The following ZFAT variants were observed in gnomAD, a reference collection of about 807,000 sequenced individuals.
The protein encoded by ZFAT is zinc finger protein ZFAT.
A neutral mutation model predicts 117.7 loss-of-function variants in ZFAT; 64 were observed. The ratio of observed to expected loss-of-function variants is 0.54; its 90% CI spans 0.44 to 0.67. The LOEUF (loss-of-function observed/expected upper bound fraction) is 0.67. Among genes scored for constraint, ZFAT ranks in the 30% least tolerant of loss-of-function variants. The pLI, the probability that ZFAT is intolerant of heterozygous loss-of-function variation, is 0.00. For missense variants in ZFAT, 1,433 were observed against 1,584.5 expected (o/e 0.90, Z 1.62); for synonymous variants, 679 against 615.0 (o/e 1.10, Z -1.54).
At chr8:134,672,897 G>A (rs1832626877) in intron 1 of ZFAT, among the ~76,000 whole-genome samples, 2 of 152,028 alleles carry the variant, frequency 1.3e-5, no homozygotes, top group Non-Finnish European at 1.5e-5. Context: ...CCCTAAACAG[G>A]AAGAAAATAT....
the ZFAT span, among the ~76,000 whole-genome samples, chr8:134,829,364 C>T: frequency 6.6e-5 from 10 of 152,186 alleles, no homozygotes; most frequent in Admixed American, 2.0e-4. Context: ...GATTGGACAC[C>T]GCTGCCTTAA....
At chr8:134,817,394 TACACACACACACACAC>T in the ZFAT span, among the ~76,000 whole-genome samples, 1 of 126,070 alleles carries the variant, frequency 7.9e-6, no homozygotes, top group South Asian at 2.5e-4. Context: ...TCTCTCTCTC[TACACACACACACACAC>T]ACACACACAC....
chr8:134,573,842 T>C (rs1427830281), intron 10 of ZFAT, among the ~76,000 whole-genome samples: 1 of 152,236 alleles, frequency 6.6e-6, no homozygotes, highest in East Asian at 1.9e-4. Flanking sequence ...TTTGCAGCGC[T>C]GCCTGGGCCT....
intron 1 of ZFAT, among the ~76,000 whole-genome samples, chr8:134,704,836 A>G (rs1010461161): frequency 6.6e-6 from 1 of 152,144 alleles, no homozygotes; most frequent in Non-Finnish European, 1.5e-5. Flanking sequence ...ACTTCATACC[A>G]TACACAAACT....
At chr8:134,611,330 G>A (rs979956251) in intron 3 of ZFAT, among the ~76,000 whole-genome samples, 5 of 152,262 alleles carry the variant, frequency 3.3e-5, no homozygotes, top group African/African-American at 1.2e-4. Flanking sequence ...GGCAAAGGAG[G>A]AGTGGGTGTG....
At chr8:134,658,886 T>C (rs755770591) in intron 1 of ZFAT, among the ~76,000 whole-genome samples, 1 of 152,156 alleles carries the variant, frequency 6.6e-6, no homozygotes, top group Non-Finnish European at 1.5e-5. Context: ...CTGGAATCCA[T>C]AGGAACTTTG....
intron 9 of ZFAT, among the ~76,000 whole-genome samples, chr8:134,587,320 G>A (rs1826137014): frequency 6.6e-6 from 1 of 152,022 alleles, no homozygotes; most frequent in African/African-American, 2.4e-5. Context: ...TTCCAACCTT[G>A]GAATTTATCT....
chr8:134,636,568 C>T (rs978527278), intron 3 of ZFAT, among the ~76,000 whole-genome samples: 1 of 152,148 alleles, frequency 6.6e-6, no homozygotes, highest in Non-Finnish European at 1.5e-5. Context: ...CCCAGACAGC[C>T]GTAACCCAGA....
At chr8:134,542,351 C>T (rs1209505203) in intron 11 of ZFAT, among the ~76,000 whole-genome samples, 1 of 152,210 alleles carries the variant, frequency 6.6e-6, no homozygotes, top group East Asian at 1.9e-4. Context: ...AGATTTGTTA[C>T]ATGGGTAAAT....
intron 1 of ZFAT, among the ~76,000 whole-genome samples, chr8:134,680,735 C>G (rs1405482533): frequency 2.0e-5 from 3 of 152,144 alleles, no homozygotes; most frequent in African/African-American, 7.2e-5. Context: ...AAAAAAAGTT[C>G]TAGAGATCAA....
At chr8:134,643,380 A>T (rs1032767523) in intron 2 of ZFAT, among the ~76,000 whole-genome samples, 4 of 152,350 alleles carry the variant, frequency 2.6e-5, no homozygotes, top group African/African-American at 9.6e-5. Flanking sequence ...CAGGAAAATG[A>T]CGATAGTCTC....
intron 15 of ZFAT, among the ~76,000 whole-genome samples, chr8:134,490,110 C>A (rs1348783202): frequency 2.0e-5 from 3 of 152,190 alleles, no homozygotes; most frequent in Non-Finnish European, 4.4e-5. Flanking sequence ...CCACAAGAGC[C>A]CTTAAGCGAC....
chr8:134,478,445 C>T lies in ZFAT; in HGVS notation c.*37G>A. 2 of 1,537,672 alleles carry T rather than the reference C, an allele frequency of 1.3e-6. No homozygotes were observed. The highest frequency in any genetic ancestry group is 1.2e-5 in the South Asian group (1 of 83,380). ...CACCCTGGGTGCCTGCAGAGCCTGG[C>T]AGCCCCGCCCTGTGGCCATCCGATG... On this transcript the variant is annotated 3_prime_UTR_variant, in exon 16 of 16. Coordinates refer to ENST00000377838, the MANE Select transcript of ZFAT (RefSeq NM_020863.4). The surrounding 1 kb of genome is among the most constrained non-coding windows in gnomAD (Gnocchi z 5.2).
intron 12 of ZFAT, among the ~76,000 whole-genome samples, chr8:134,523,235 G>A (rs1425547409): frequency 6.6e-6 from 1 of 152,204 alleles, no homozygotes; most frequent in Non-Finnish European, 1.5e-5. Flanking sequence ...ACGGCTGGGT[G>A]GCTGGGCCCT....
chr8:134,675,473 G>A (rs892910881), intron 1 of ZFAT, among the ~76,000 whole-genome samples: 6 of 152,200 alleles, frequency 3.9e-5, no homozygotes, highest in Non-Finnish European at 7.3e-5. Context: ...TCAAATCTAC[G>A]TTTGATTGGT....
At chr8:134,507,716 C>T (rs545565854) in intron 15 of ZFAT, among the ~76,000 whole-genome samples, 88 of 152,128 alleles carry the variant, frequency 5.8e-4, no homozygotes, top group Admixed American at 3.7e-3. Context: ...GCATTGCCTG[C>T]GAGGCTCAAT....
At chr8:134,541,036 T>C (rs1822213447) in intron 11 of ZFAT, among the ~76,000 whole-genome samples, 1 of 152,186 alleles carries the variant, frequency 6.6e-6, no homozygotes, top group Non-Finnish European at 1.5e-5. Context: ...CTCCGGGCCC[T>C]GGGTTCCACG....
chr8:134,611,122 C>T (rs78688696), intron 3 of ZFAT, among the ~76,000 whole-genome samples: 2,870 of 152,338 alleles, frequency 0.019, 81 homozygotes, highest in African/African-American at 0.065. Flanking sequence ...CCCCACCGTG[C>T]AGGGGGAGAG....
At chr8:134,612,028 T>A (rs1009964193) in intron 3 of ZFAT, among the ~76,000 whole-genome samples, 1 of 152,190 alleles carries the variant, frequency 6.6e-6, no homozygotes, top group African/African-American at 2.4e-5. Context: ...TTGAGAGCCA[T>A]CTCTTGAATG....
Sources: allele counts gnomAD v4.1 joint callset (sites outside exome capture counted in the v4.1 genomes callset), GRCh38; gene constraint gnomAD v4.1.1; non-coding constraint Gnocchi (gnomAD v3.1); transcripts MANE v1.5; gene names NCBI Gene and HGNC (gene_info 2026-07-23, HGNC 2026-07-21).